Variants in SPIN1 observed in about 807,000 individuals in gnomAD.
The protein encoded by SPIN1 is spindlin-1.
SPIN1 carries 3 observed loss-of-function variants against 26.0 expected under a neutral mutation model. That is an observed-to-expected ratio of 0.12 (90% confidence interval 0.05 to 0.30). SPIN1 has a LOEUF of 0.30. Among genes scored for constraint, SPIN1 ranks in the 10% least tolerant of loss-of-function variants. SPIN1 has a pLI of 1.00. For synonymous variants in SPIN1, 101 were observed against 116.5 expected (o/e 0.87, Z 0.86); for missense variants, 126 against 333.4 (o/e 0.38, Z 4.84).
Position 88,468,459 on chromosome 9 carries a change from A to C in SPIN1, c.443A>C (p.Lys148Thr). The C allele has an allele frequency of 6.2e-7, 1 of 1,613,850 alleles. No homozygotes were observed. Among genetic ancestry groups the C allele is most frequent in the Non-Finnish European group, 8.5e-7 (1 of 1,179,912 alleles). Residue 148 changes from lysine (K) to threonine (T), a missense_variant, in exon 5 of 6, where the codon AAA becomes ACA. Physicochemically the swap from Lys to Thr is moderately conservative, Grantham distance 78 (BLOSUM62 -1). This residue lies in a region of SPIN1 where 10 missense variants were observed against 44.5 expected (regional missense o/e 0.22). Coordinates refer to ENST00000375859, the MANE Select transcript of SPIN1 (RefSeq NM_006717.3). ...EHMFETEDGS[K>T]DEWRGMVLAR... ...ATGTTTGAGACAGAGGATGGTTCTA[A>C]AGATGAGTGGAGGGGAATGGTCTTA...
intron 2 of SPIN1, among the ~76,000 whole-genome samples, chr9:88,442,024 T>C (rs1225810918): frequency 6.7e-6 from 1 of 149,864 alleles, no homozygotes; most frequent in Non-Finnish European, 1.5e-5. Flanking sequence ...TGATGTCGGC[T>C]CACTGCAACC....
At chr9:88,458,966 T>C (rs1173879623) in intron 3 of SPIN1, among the ~76,000 whole-genome samples, 1 of 152,168 alleles carries the variant, frequency 6.6e-6, no homozygotes, top group Admixed American at 6.5e-5. Context: ...CACAGAGACA[T>C]CTAGAGTGGT....
chr9:88,442,555 T>C (rs189247978), intron 2 of SPIN1, among the ~76,000 whole-genome samples: 1 of 151,908 alleles, frequency 6.6e-6, no homozygotes, highest in Admixed American at 6.6e-5. Context: ...TGGTTAATTT[T>C]TGTATTTTTA....
chr9:88,473,818 T>C (rs1273999116), intron 5 of SPIN1, among the ~76,000 whole-genome samples: 1 of 152,206 alleles, frequency 6.6e-6, no homozygotes, highest in Non-Finnish European at 1.5e-5. Flanking sequence ...CACGTGCGAT[T>C]GTGTATTTGT....
At chr9:88,454,774 T>G (rs1357057592) in intron 3 of SPIN1, among the ~76,000 whole-genome samples, 1 of 152,232 alleles carries the variant, frequency 6.6e-6, no homozygotes, top group Non-Finnish European at 1.5e-5. Context: ...CTCTTAGTAG[T>G]GAGCACAGTC....
chr9:88,405,227 CT>C (rs1296159797), intron 1 of SPIN1, among the ~76,000 whole-genome samples: 1 of 151,880 alleles, frequency 6.6e-6, no homozygotes, highest in Admixed American at 6.6e-5. Context: ...TTGTACTATA[CT>C]TTTTTTTGTT....
At chr9:88,460,123 G>A (rs1488268615) in intron 3 of SPIN1, among the ~76,000 whole-genome samples, 1 of 152,072 alleles carries the variant, frequency 6.6e-6, no homozygotes, top group Non-Finnish European at 1.5e-5. Context: ...TTTCAGGAAC[G>A]TTTTCTTCAA....
chr9:88,457,607 T>C (rs1476890160), intron 3 of SPIN1, among the ~76,000 whole-genome samples: 1 of 152,178 alleles, frequency 6.6e-6, no homozygotes, highest in Non-Finnish European at 1.5e-5. Context: ...TTGGCTTCTA[T>C]TGTCTGTAAT....
At chr9:88,431,678 T>C (rs1230880616) in intron 2 of SPIN1, among the ~76,000 whole-genome samples, 2 of 152,224 alleles carry the variant, frequency 1.3e-5, no homozygotes, top group Non-Finnish European at 2.9e-5. Flanking sequence ...TGGCTTTTTA[T>C]GTCTTCTGAA....
chr9:88,441,134 AT>A (rs1828115497), intron 2 of SPIN1, among the ~76,000 whole-genome samples: 1 of 151,864 alleles, frequency 6.6e-6, no homozygotes, highest in East Asian at 1.9e-4. Context: ...CATTATTGTC[AT>A]TTTTTTCTAA....
intron 2 of SPIN1, among the ~76,000 whole-genome samples, chr9:88,430,883 CTTT>C (rs906131135): frequency 7.6e-6 from 1 of 132,050 alleles, no homozygotes; most frequent in Admixed American, 7.7e-5. Context: ...TATATTTTTT[CTTT>C]TTTTTTTTTT....
At position 88,445,516 on chromosome 9, in the gene SPIN1, CTTTTAT is replaced by C. The variant is rs1400439881; in HGVS notation, c.53-3423_53-3418del. Among the ~76,000 whole-genome samples, 20 of 107,944 alleles carry C rather than the reference CTTTTAT, an allele frequency of 1.9e-4. 1 individual carries two copies. The South Asian group carries it at 2.7e-3, about 14-fold the overall frequency. The allele number at this position is 107,944 out of a possible 152,430, so 70.8% of individuals were successfully genotyped here. A position where few individuals can be genotyped will look rare whatever the true frequency, so the allele number is the denominator to read the frequency against. The stretch of plus-strand genomic sequence containing the variant: ...TCAGATTTTCTTAAATGTATTGAGA[CTTTTAT>C]TATTATTATTATTATTATTATTATT... On this transcript the variant is annotated intron_variant, in intron 2 of 5. Coordinates refer to ENST00000375859, the MANE Select transcript of SPIN1 (RefSeq NM_006717.3).
At chr9:88,445,623 A>G (rs1438922636) in intron 2 of SPIN1, among the ~76,000 whole-genome samples, 3 of 150,464 alleles carry the variant, frequency 2.0e-5, no homozygotes, top group Admixed American at 6.6e-5. Context: ...GCTCACTGCA[A>G]CCTCTGCCTC....
At chr9:88,400,098 T>C (rs1827154644) in intron 1 of SPIN1, among the ~76,000 whole-genome samples, 1 of 152,152 alleles carries the variant, frequency 6.6e-6, no homozygotes, top group African/African-American at 2.4e-5. Flanking sequence ...GAAAAACCTG[T>C]AATTGGCCTC....
chr9:88,422,131 C>G (rs542662502), intron 1 of SPIN1, among the ~76,000 whole-genome samples: 4 of 152,012 alleles, frequency 2.6e-5, no homozygotes, highest in African/African-American at 9.7e-5. Flanking sequence ...GTTTTGATAC[C>G]GTACAATTAT....
At chr9:88,406,797 G>T (rs930375404) in intron 1 of SPIN1, among the ~76,000 whole-genome samples, 2 of 151,702 alleles carry the variant, frequency 1.3e-5, no homozygotes, top group African/African-American at 4.8e-5. Context: ...TTCTAACTTG[G>T]AAGTTACTTA....
chr9:88,458,096 T>C, intron 3 of SPIN1: 5 of 643,098 alleles, frequency 7.8e-6, no homozygotes, highest in Non-Finnish European at 9.7e-6. Context: ...TTAGGTATAA[T>C]ATATGCAAAG....
intron 5 of SPIN1, among the ~76,000 whole-genome samples, chr9:88,473,405 A>G (rs1828828989): frequency 6.6e-6 from 1 of 151,968 alleles, no homozygotes; most frequent in Admixed American, 6.6e-5. Context: ...AAAAGAAAAA[A>G]AAAATTGTGT....
intron 2 of SPIN1, among the ~76,000 whole-genome samples, chr9:88,444,169 C>T (rs1217772572): frequency 6.6e-6 from 1 of 151,420 alleles, no homozygotes; most frequent in Non-Finnish European, 1.5e-5. Flanking sequence ...TTTTTAAGTG[C>T]CAGATTCTCT....
Sources: gnomAD v4.1 joint callset for allele counts (sites outside exome capture counted in the v4.1 genomes callset) on GRCh38, gnomAD v4.1.1 for gene constraint, gnomAD v4.1.1 regional missense constraint, MANE v1.5 for transcripts, NCBI Gene and HGNC (gene_info 2026-07-23, HGNC 2026-07-21) for gene names.